The following TIAM1 variants were observed in gnomAD, a reference collection of about 807,000 sequenced individuals.
TIAM1 encodes the protein TIAM Rac1 associated GEF 1.
A neutral mutation model predicts 163.5 loss-of-function variants in TIAM1; 65 were observed. The ratio of observed to expected loss-of-function variants is 0.40; its 90% CI spans 0.33 to 0.49. The LOEUF (loss-of-function observed/expected upper bound fraction) is 0.49. Among genes scored for constraint, TIAM1 ranks in the 20% least tolerant of loss-of-function variants. The probability of loss-of-function intolerance (pLI) is 0.77; values close to 1 mark genes in which losing one functional copy is unlikely to be tolerated. For missense variants in TIAM1, 1,789 were observed against 2,044.7 expected (o/e 0.87, Z 2.41); for synonymous variants, 833 against 810.1 (o/e 1.03, Z -0.48).
At chr21:31,315,921 G>A (rs927171722) in intron 2 of TIAM1, among the ~76,000 whole-genome samples, 1 of 152,176 alleles carries the variant, frequency 6.6e-6, no homozygotes, top group African/African-American at 2.4e-5. Flanking sequence ...ACGTTGCAGT[G>A]AGCCGAGATC....
At chr21:31,317,758 C>G (rs1186969452) in intron 2 of TIAM1, among the ~76,000 whole-genome samples, 1 of 152,102 alleles carries the variant, frequency 6.6e-6, no homozygotes, top group Non-Finnish European at 1.5e-5. Context: ...CCAACCTGGG[C>G]AACAGAGTGA....
chr21:31,222,236 T>A (rs1601603630), intron 8 of TIAM1, among the ~76,000 whole-genome samples: 1 of 152,194 alleles, frequency 6.6e-6, no homozygotes, highest in Non-Finnish European at 1.5e-5. Flanking sequence ...GCTAAGGTTT[T>A]ACAAAGCAGT....
intron 2 of TIAM1, among the ~76,000 whole-genome samples, chr21:31,367,767 C>A (rs1282023027): frequency 6.6e-6 from 1 of 152,172 alleles, no homozygotes; most frequent in South Asian, 2.1e-4. Flanking sequence ...CATTCCTATT[C>A]GTTACCTATT....
intron 1 of TIAM1, among the ~76,000 whole-genome samples, chr21:31,469,846 CA>C (rs10575349): frequency 1.0e-4 from 15 of 150,234 alleles, no homozygotes; most frequent in African/African-American, 2.2e-4. Flanking sequence ...AACAAACAAA[CA>C]AAAAAAAAAT....
chr21:31,427,980 G>A (rs528752647), intron 2 of TIAM1, among the ~76,000 whole-genome samples: 1 of 150,868 alleles, frequency 6.6e-6, no homozygotes, highest in Non-Finnish European at 1.5e-5. Context: ...AACTGAACGC[G>A]GCCAGGCGCA....
chr21:31,427,445 C>T (rs1365220000), intron 2 of TIAM1, among the ~76,000 whole-genome samples: 1 of 151,798 alleles, frequency 6.6e-6, no homozygotes, highest in Non-Finnish European at 1.5e-5. Context: ...CGAGATTATG[C>T]CACTGCACTC....
At chr21:31,225,679 A>C in intron 7 of TIAM1, 47 bp downstream of exon 7, 1 of 1,386,126 alleles carries the variant, frequency 7.2e-7, no homozygotes, top group South Asian at 1.2e-5. Flanking sequence ...AAACCCTTTT[A>C]GAGACCTAAC....
chr21:31,395,429 C>T lies in TIAM1; in HGVS notation c.-368-56007G>A, dbSNP rs2077048893. 6.6e-6 allele frequency among the ~76,000 whole-genome samples: 1 copy of T among 152,130 alleles called. No individual in the cohort carries two copies. The highest frequency in any genetic ancestry group is 1.5e-5 in the Non-Finnish European group (1 of 68,018). On this transcript the variant is annotated intron_variant, in intron 2 of 28. Transcript: ENST00000286827. This position sits in a 1 kb window ranked among gnomAD's most constrained non-coding sequence, Gnocchi z 7.5. ...TGCAGCCATGTGACAATAAGGATGG[C>T]TTTCACACCAGAGCAGCAGGGAAAA...
intron 12 of TIAM1, among the ~76,000 whole-genome samples, chr21:31,196,563 G>A (rs957329902): frequency 1.3e-5 from 2 of 148,154 alleles, no homozygotes; most frequent in African/African-American, 5.1e-5. Flanking sequence ...CAAATGATCC[G>A]CCCACCTCAG....
chr21:31,265,946 A>C (rs1337092214), intron 4 of TIAM1, 64 bp downstream of exon 4: 1 of 1,555,514 alleles, frequency 6.4e-7, no homozygotes, highest in African/African-American at 1.4e-5. Context: ...CTAAGAGCAA[A>C]GTCATGCACT....
At chr21:31,146,720 A>C (rs1255419278) in intron 20 of TIAM1, among the ~76,000 whole-genome samples, 175 bp downstream of exon 20, 1 of 151,528 alleles carries the variant, frequency 6.6e-6, no homozygotes, top group Non-Finnish European at 1.5e-5. Context: ...CAAAAAAAAA[A>C]AAAATGAAAA....
chr21:31,161,869 G>A lies in TIAM1; in HGVS notation c.2991+3093C>T, dbSNP rs141700153. Among the ~76,000 whole-genome samples the A allele has an allele frequency of 3.0e-3, 449 of 152,174 alleles. 1 individual carries two copies. Among genetic ancestry groups the A allele is most frequent in the Non-Finnish European group, 4.4e-3 (301 of 68,008 alleles). On this transcript the variant is annotated intron_variant, in intron 16 of 27. Coordinates refer to ENST00000541036, the MANE Select transcript of TIAM1 (RefSeq NM_001353694.2). ...AAAGCTTCACACTTATATAGGAGACGCATCAAAAAATATTTAGCCTTGATC... is the reference window on the plus strand; with the variant it reads ...AAAGCTTCACACTTATATAGGAGACACATCAAAAAATATTTAGCCTTGATC...
chr21:31,358,218 G>A (rs1442850217), intron 2 of TIAM1, among the ~76,000 whole-genome samples: 1 of 152,164 alleles, frequency 6.6e-6, no homozygotes, highest in African/African-American at 2.4e-5. Context: ...AGCCTCTGCA[G>A]GACAAGGATG....
At chr21:31,385,764 T>G (rs2076856304) in intron 2 of TIAM1, among the ~76,000 whole-genome samples, 1 of 148,498 alleles carries the variant, frequency 6.7e-6, no homozygotes, top group Non-Finnish European at 1.5e-5. Flanking sequence ...AAAACGTAAA[T>G]CTTATGAACA....
At chr21:31,308,574 T>G (rs976174323) in intron 2 of TIAM1, among the ~76,000 whole-genome samples, 6 of 152,160 alleles carry the variant, frequency 3.9e-5, no homozygotes, top group Admixed American at 3.9e-4. Flanking sequence ...TATAGTATAC[T>G]CTATAAAAGG....
intron 6 of TIAM1, among the ~76,000 whole-genome samples, chr21:31,228,616 G>A (rs2088201900): frequency 6.6e-6 from 1 of 152,148 alleles, no homozygotes; most frequent in Non-Finnish European, 1.5e-5. Flanking sequence ...AAGAATGAAG[G>A]ACCTATAACT....
intron 1 of TIAM1, among the ~76,000 whole-genome samples, chr21:31,508,822 G>T (rs555428330): frequency 2.0e-5 from 3 of 152,036 alleles, no homozygotes; most frequent in Non-Finnish European, 4.4e-5. Context: ...AGGTTCCCAC[G>T]GAGTCTTTTT....
rs781153297 is a variant in TIAM1, at chr21:31,181,756, C to CTTTTTTTTTTTTTTTTTTTTTTTTT, written c.2887+640_2887+664dup. Among the ~76,000 whole-genome samples, 3 of 41,332 alleles carry CTTTTTTTTTTTTTTTTTTTTTTTTT rather than the reference C, an allele frequency of 7.3e-5. 1 individual carries two copies. The highest frequency in any genetic ancestry group is 3.3e-4 in the Admixed American group (1 of 3,008). 27.1% of individuals were successfully genotyped at this position (41,332 alleles called of 152,430 possible). ...CCCAGCACTTCTTCTTCTTCTTCTTCTTTTTTTTTTTTTTTTTTTTTTTTT... is the reference window on the plus strand; with the variant it reads ...CCCAGCACTTCTTCTTCTTCTTCTTCTTTTTTTTTTTTTTTTTTTTTTTTTTTTTTTTTTTTTTTTTTTTTTTTTT... On this transcript the variant is annotated intron_variant, in intron 15 of 27. Coordinates refer to ENST00000541036, the MANE Select transcript of TIAM1 (RefSeq NM_001353694.2).
intron 2 of TIAM1, among the ~76,000 whole-genome samples, chr21:31,352,545 TAAAAAAAAAA>T (rs35386667): frequency 7.5e-6 from 1 of 132,500 alleles, no homozygotes; most frequent in South Asian, 2.5e-4. Flanking sequence ...TATGTAGCTT[TAAAAAAAAAA>T]AAAAAAAAGC....
Sources: allele counts gnomAD v4.1 joint callset (sites outside exome capture counted in the v4.1 genomes callset), GRCh38; gene constraint gnomAD v4.1.1; non-coding constraint Gnocchi (gnomAD v3.1); transcripts MANE v1.5; gene names NCBI Gene and HGNC (gene_info 2026-07-23, HGNC 2026-07-21).